The following ERBB4 variants were observed in gnomAD, a reference collection of about 807,000 sequenced individuals.
ERBB4 encodes receptor tyrosine-protein kinase erbB-4.
Under a neutral mutation model 158.0 loss-of-function variants are expected in ERBB4, and 42 were observed. That is an observed-to-expected ratio of 0.27 (90% CI 0.21 to 0.34). The LOEUF is 0.34. ERBB4 is among the 10% of genes least tolerant of loss of function. The probability of loss-of-function intolerance (pLI) is 1.00; values close to 1 mark genes in which losing one functional copy is unlikely to be tolerated. For missense variants in ERBB4, 1,333 were observed against 1,624.1 expected (o/e 0.82, Z 3.08); for synonymous variants, 583 against 558.7 (o/e 1.04, Z -0.61).
chr2:211,842,006 G>A (rs2077480852), intron 3 of ERBB4, among the ~76,000 whole-genome samples: 1 of 151,824 alleles, frequency 6.6e-6, no homozygotes, highest in Admixed American at 6.6e-5. Flanking sequence ...CACCCTCAAG[G>A]AAGCAAGTAT....
intron 4 of ERBB4, among the ~76,000 whole-genome samples, chr2:211,787,688 G>A (rs1223217272): frequency 2.6e-5 from 4 of 152,124 alleles, no homozygotes; most frequent in African/African-American, 7.2e-5. Context: ...AATGGGATAT[G>A]GGTCACAGAG....
chr2:211,901,173 A>G (rs1165001952), intron 3 of ERBB4, among the ~76,000 whole-genome samples: 2 of 152,160 alleles, frequency 1.3e-5, no homozygotes, highest in Non-Finnish European at 2.9e-5. Context: ...CTTGATGCCA[A>G]AAACCCAGAG....
chr2:211,444,658 G>A (rs1430988821), intron 20 of ERBB4, among the ~76,000 whole-genome samples: 1 of 152,030 alleles, frequency 6.6e-6, no homozygotes, highest in Non-Finnish European at 1.5e-5. Flanking sequence ...AATATACACT[G>A]TGTATACAAC....
At chr2:211,668,234 T>C (rs139074053) in intron 14 of ERBB4, among the ~76,000 whole-genome samples, 2 of 152,364 alleles carry the variant, frequency 1.3e-5, no homozygotes, top group East Asian at 3.9e-4. Context: ...ACTGAAATGT[T>C]GTTATGAAGT....
intron 25 of ERBB4, among the ~76,000 whole-genome samples, chr2:211,412,250 T>C (rs995115261): frequency 6.6e-6 from 1 of 152,176 alleles, no homozygotes. Context: ...GCATGTGCAA[T>C]ATAGAAATAT....
At chr2:212,286,239 G>T (rs1275594042) in intron 1 of ERBB4, among the ~76,000 whole-genome samples, 1 of 152,130 alleles carries the variant, frequency 6.6e-6, no homozygotes, top group Non-Finnish European at 1.5e-5. Context: ...TTATTATTAT[G>T]AAATACAACC....
intron 1 of ERBB4, among the ~76,000 whole-genome samples, chr2:212,229,761 C>T (rs2083601149): frequency 6.6e-6 from 1 of 152,022 alleles, no homozygotes; most frequent in South Asian, 2.1e-4. Flanking sequence ...GAGAGACTTG[C>T]TATATGTATT....
intron 1 of ERBB4, among the ~76,000 whole-genome samples, chr2:212,422,196 G>C (rs1229245505): frequency 2.6e-5 from 4 of 152,076 alleles, no homozygotes; most frequent in African/African-American, 9.7e-5. Context: ...TGTCACAAAA[G>C]CATTCATGAT....
At chr2:211,564,666 G>A (rs79444342) in intron 19 of ERBB4, among the ~76,000 whole-genome samples, 2,602 of 151,998 alleles carry the variant, frequency 0.017, 77 homozygotes, top group African/African-American at 0.05. Context: ...CTTTGTAAAC[G>A]TGCTCATAAA....
intron 3 of ERBB4, among the ~76,000 whole-genome samples, chr2:211,889,336 G>A (rs1473053067): frequency 6.9e-6 from 1 of 145,620 alleles, no homozygotes; most frequent in East Asian, 1.9e-4. Context: ...GCAGCTGAGG[G>A]TCCTCTCTGT....
intron 3 of ERBB4, among the ~76,000 whole-genome samples, chr2:211,853,942 C>A (rs921582207): frequency 1.3e-5 from 2 of 152,004 alleles, no homozygotes; most frequent in African/African-American, 4.8e-5. Flanking sequence ...GGCTTTAATT[C>A]TTTATTCAAA....
At chr2:211,679,371 G>A (rs1222553531) in intron 12 of ERBB4, among the ~76,000 whole-genome samples, 187 bp from the exon 13 acceptor site, 3 of 152,212 alleles carry the variant, frequency 2.0e-5, no homozygotes, top group Non-Finnish European at 4.4e-5. Flanking sequence ...AGTCCTAGTA[G>A]CTGTGTTTGT....
chr2:212,536,998 G>T (rs1045232858), intron 1 of ERBB4, among the ~76,000 whole-genome samples: 1 of 152,138 alleles, frequency 6.6e-6, no homozygotes, highest in African/African-American at 2.4e-5. Context: ...GCTGGAGCGC[G>T]GGACCTGGTA....
At chr2:212,494,798 A>G (rs1412503773) in intron 1 of ERBB4, among the ~76,000 whole-genome samples, 4 of 152,096 alleles carry the variant, frequency 2.6e-5, no homozygotes, top group Non-Finnish European at 5.9e-5. Flanking sequence ...TTTTCTAGAA[A>G]TTAATGGCCA....
In ERBB4 at chr2:211,702,109, G is replaced by A. The variant is rs2073275799; in HGVS notation, c.1347C>T (p.Ser449=). The change falls in exon 12 of 28, where the codon TCC becomes TCT. Residue 449 remains serine (S), a synonymous_variant. Coordinates refer to ENST00000342788, the MANE Select transcript of ERBB4 (RefSeq NM_005235.3). ...QQGITSLQFQ[S]LKEISAGNIY... ...TGTTTCCTGCGCTGATTTCCTTCAG[G>A]GACTGGAACTGTAGAGAGGTGATGC... 1 of 1,614,030 alleles carries A rather than the reference G, an allele frequency of 6.2e-7. No individual in the cohort carries two copies. Among genetic ancestry groups the A allele is most frequent in the Non-Finnish European group, 8.5e-7 (1 of 1,180,004 alleles).
intron 1 of ERBB4, among the ~76,000 whole-genome samples, chr2:212,233,022 A>T (rs1291649349): frequency 4.6e-5 from 7 of 152,212 alleles, no homozygotes; most frequent in Admixed American, 4.6e-4. Flanking sequence ...TGCATTGAAA[A>T]GTCCACAAAT....
At chr2:212,505,578 G>A (rs745414014) in intron 1 of ERBB4, among the ~76,000 whole-genome samples, 4 of 149,108 alleles carry the variant, frequency 2.7e-5, no homozygotes, top group South Asian at 2.1e-4. Context: ...CCAAAAAGGC[G>A]ATGCCTCTTT....
intron 1 of ERBB4, among the ~76,000 whole-genome samples, chr2:212,273,269 T>G (rs1197612107): frequency 6.6e-6 from 1 of 151,842 alleles, no homozygotes; most frequent in Non-Finnish European, 1.5e-5. Context: ...TGTTTTTTAT[T>G]ATCCAATTAT....
At chr2:212,150,909 G>C (rs1004366866) in intron 1 of ERBB4, among the ~76,000 whole-genome samples, 1 of 152,108 alleles carries the variant, frequency 6.6e-6, no homozygotes, top group Non-Finnish European at 1.5e-5. Flanking sequence ...TGCTCAAGAA[G>C]AATGGTTGCC....
Sources: allele counts gnomAD v4.1 joint callset (sites outside exome capture counted in the v4.1 genomes callset), GRCh38; gene constraint gnomAD v4.1.1; transcripts MANE v1.5; gene names NCBI Gene and HGNC (gene_info 2026-07-23, HGNC 2026-07-21).